PTCD2: variants seen among roughly 807,000 people sequenced by gnomAD.
The protein encoded by PTCD2 is pentatricopeptide repeat-containing protein 2, mitochondrial.
In PTCD2, 31 loss-of-function variants were observed where a neutral mutation model predicts 42.6. That is an observed-to-expected ratio of 0.73 (90% CI 0.55 to 0.98). The LOEUF (loss-of-function observed/expected upper bound fraction) is 0.98, where lower values mean the gene tolerates loss of function less well. Among genes scored for constraint, PTCD2 ranks in the 50% least tolerant of loss-of-function variants. The pLI is 0.00. For synonymous variants in PTCD2, 183 were observed against 170.9 expected, an observed-to-expected ratio of 1.07 and a Z score of -0.55; for missense variants, 476 against 454.8, an observed-to-expected ratio of 1.05 and a Z score of -0.42.
At chr5:72,345,253 A>T (rs1345778858) in intron 8 of PTCD2, among the ~76,000 whole-genome samples, 1 of 152,186 alleles carries the variant, frequency 6.6e-6, no homozygotes, top group Non-Finnish European at 1.5e-5. Flanking sequence ...CTTTTGAAAG[A>T]AGAGAAATAT....
rs1159101082 is a variant in PTCD2, at chr5:72,365,363, C to G, written c.*6936C>G. 6.6e-6 allele frequency: 1 copy of G among 152,182 alleles called. No individual in the cohort carries two copies. The allele number at this position is 152,182 out of a possible 1,614,324, so 9.4% of individuals were successfully genotyped here. On this transcript the variant is annotated 3_prime_UTR_variant, in exon 10 of 10. Transcript: ENST00000380639. ...TTCCTGACTGAATCAGGCCAAGATG[C>G]TCACCCAGAAGAGCACAGCATCACC...
At chr5:72,335,752 A>G in intron 5 of PTCD2, 42 bp from the exon 6 acceptor site, 2 of 1,317,642 alleles carry the variant, frequency 1.5e-6, no homozygotes, top group Non-Finnish European at 2.2e-6. Flanking sequence ...GGCCAACAGT[A>G]GAGGAACTCT....
At chr5:72,331,723 C>A (rs1321648059) in intron 4 of PTCD2, among the ~76,000 whole-genome samples, 1 of 152,080 alleles carries the variant, frequency 6.6e-6, no homozygotes, top group South Asian at 2.1e-4. Context: ...TATTCCCTCT[C>A]GATTTTGTAT....
intron 8 of PTCD2, among the ~76,000 whole-genome samples, chr5:72,347,050 T>G (rs1055343506): frequency 6.6e-6 from 1 of 152,218 alleles, no homozygotes; most frequent in Non-Finnish European, 1.5e-5. Context: ...TATACAACTC[T>G]ATCAAAACAA....
At chr5:72,336,303 A>G (rs1026233677) in intron 6 of PTCD2, among the ~76,000 whole-genome samples, 14 of 152,122 alleles carry the variant, frequency 9.2e-5, no homozygotes, top group Admixed American at 8.5e-4. Flanking sequence ...ACTGGAAGTG[A>G]TGTTTGTCAC....
At chr5:72,330,201 A>G (rs909127924) in intron 3 of PTCD2, among the ~76,000 whole-genome samples, 1 of 151,866 alleles carries the variant, frequency 6.6e-6, no homozygotes, top group Admixed American at 6.6e-5. Flanking sequence ...CGGCCTCCCA[A>G]AGTGCTGGGA....
chr5:72,335,877 T>A lies in PTCD2; in HGVS notation c.631T>A (p.Tyr211Asn), dbSNP rs745766255. ...DTYVLAFAIC[Y>N]KLNSPESFKI... ...CTATGTTCTTGCTTTTGCAATTTGCTACAAACTGGTAAGACTCTTTCCTCT... is the reference window on the plus strand; with the variant it reads ...CTATGTTCTTGCTTTTGCAATTTGCAACAAACTGGTAAGACTCTTTCCTCT... Residue 211 changes from tyrosine (Y) to asparagine (N), a missense_variant, in exon 6 of 10, where the codon TAC becomes AAC. Transcript: ENST00000380639. 1.2e-6 allele frequency: 2 copies of A among 1,603,836 alleles called. No homozygotes were observed. Among genetic ancestry groups the A allele is most frequent in the Non-Finnish European group, 1.7e-6 (2 of 1,170,836 alleles).
At chr5:72,333,424 G>T (rs1440169455) in intron 4 of PTCD2, among the ~76,000 whole-genome samples, 2 of 152,002 alleles carry the variant, frequency 1.3e-5, no homozygotes, top group Non-Finnish European at 2.9e-5. Flanking sequence ...CAGAATTTAA[G>T]CTCTACTAGA....
chr5:72,343,729 A>G (rs900767877), intron 8 of PTCD2, among the ~76,000 whole-genome samples: 4 of 152,170 alleles, frequency 2.6e-5, no homozygotes, highest in African/African-American at 9.7e-5. Context: ...ATTCACGCTA[A>G]TAATAAAGTT....
At chr5:72,342,747 A>C (rs1212203563) in intron 7 of PTCD2, among the ~76,000 whole-genome samples, 1 of 152,220 alleles carries the variant, frequency 6.6e-6, no homozygotes, top group Non-Finnish European at 1.5e-5. Flanking sequence ...CATCTTAAAA[A>C]CTGGACTCAG....
At chr5:72,322,850 C>G (rs1472572347) in intron 2 of PTCD2, among the ~76,000 whole-genome samples, 4 of 152,130 alleles carry the variant, frequency 2.6e-5, no homozygotes, top group Non-Finnish European at 5.9e-5. Context: ...CAAGAGAAAC[C>G]TGACTACCAA....
chr5:72,350,936 T>G (rs967647563), intron 8 of PTCD2, among the ~76,000 whole-genome samples: 1 of 152,228 alleles, frequency 6.6e-6, no homozygotes, highest in African/African-American at 2.4e-5. Context: ...TAAAAGTACA[T>G]ATGTGCACAT....
In PTCD2 at chr5:72,358,222, A is replaced by G. The variant is rs1205390308; in HGVS notation, c.962A>G (p.Lys321Arg). 5.0e-6 allele frequency: 8 copies of G among 1,614,002 alleles called. No individual in the cohort carries two copies. In the South Asian group the frequency reaches 6.6e-5, roughly 13 times the overall value. The change falls in exon 10 of 10, where the codon AAA (lysine) becomes AGA (arginine). Residue 321 changes from lysine (K) to arginine (R), a missense_variant. By Grantham distance (26) the Lys-to-Arg change is conservative. Coordinates refer to ENST00000380639, the MANE Select transcript of PTCD2 (RefSeq NM_024754.5). The part of the protein sequence containing the change: ...SEEVLAKVRE[K>R]VKDVPALVAK... ...TTCCAGCTGGCCAAAGTGAGGGAAA[A>G]AGTGAAGGATGTGCCTGCCCTTGTG...
At chr5:72,340,308 T>C (rs1277835737) in intron 7 of PTCD2, among the ~76,000 whole-genome samples, 1 of 152,154 alleles carries the variant, frequency 6.6e-6, no homozygotes, top group Non-Finnish European at 1.5e-5. Context: ...TCCTCCCCCA[T>C]CCAATACCCA....
intron 9 of PTCD2, among the ~76,000 whole-genome samples, chr5:72,356,705 G>C (rs1230673403): frequency 1.3e-5 from 2 of 152,160 alleles, no homozygotes; most frequent in Admixed American, 6.5e-5. Flanking sequence ...TGTTTGCTCT[G>C]CTGCTTTTAG....
chr5:72,345,522 G>A (rs1314365654), intron 8 of PTCD2, among the ~76,000 whole-genome samples: 1 of 152,224 alleles, frequency 6.6e-6, no homozygotes, highest in Non-Finnish European at 1.5e-5. Context: ...ATTGATTGGG[G>A]AAGTGATAAG....
intron 4 of PTCD2, among the ~76,000 whole-genome samples, 198 bp downstream of exon 4, chr5:72,331,573 G>A (rs974440374): frequency 1.3e-5 from 2 of 152,308 alleles, no homozygotes; most frequent in Admixed American, 6.5e-5. Flanking sequence ...TAGAACAAGT[G>A]TGGAGGAGGT....
rs1005855850 is a variant in PTCD2 at position 72,352,462 on chromosome 5, T to C, written c.829-179T>C. On this transcript the variant is annotated intron_variant, in intron 8 of 9. Transcript: ENST00000380639. ...TTTTGATTAACTATTGGAAAGCACA[T>C]TTTGGCTCGTAAGTGTACATTTAAA... is the stretch of plus-strand genomic sequence containing the variant. Among the ~76,000 whole-genome samples, 3 of 152,194 alleles carry C rather than the reference T, an allele frequency of 2.0e-5. No homozygotes were observed. In the East Asian group the frequency reaches 5.8e-4, roughly 29 times the overall value.
intron 4 of PTCD2, among the ~76,000 whole-genome samples, chr5:72,333,693 T>G (rs1303380841): frequency 6.6e-6 from 1 of 152,226 alleles, no homozygotes; most frequent in Non-Finnish European, 1.5e-5. Flanking sequence ...TACAACATAG[T>G]GACTATAGTT....
Sources: allele counts gnomAD v4.1 joint callset (sites outside exome capture counted in the v4.1 genomes callset), GRCh38; gene constraint gnomAD v4.1.1; transcripts MANE v1.5; gene names NCBI Gene and HGNC (gene_info 2026-07-23, HGNC 2026-07-21).